GALC: variants seen among roughly 807,000 people sequenced by gnomAD.
The protein encoded by GALC is galactocerebrosidase.
Under a neutral mutation model 91.8 loss-of-function variants are expected in GALC, and 77 were observed. That is an observed-to-expected ratio of 0.84 (90% confidence interval 0.70 to 1.01). GALC has a LOEUF of 1.01. GALC is among the 50% of genes least tolerant of loss of function. GALC has a pLI of 0.00. For synonymous variants in GALC, 357 were observed against 306.7 expected (o/e 1.16, Z -1.71); for missense variants, 882 against 855.9 (o/e 1.03, Z -0.38).
chr14:87,959,374 G>T (rs1443339845), intron 10 of GALC, among the ~76,000 whole-genome samples: 3 of 152,140 alleles, frequency 2.0e-5, no homozygotes, highest in Non-Finnish European at 4.4e-5. Context: ...ATGTTGTTAG[G>T]GTTGTAAATT....
chr14:87,944,371 G>A (rs1001231834), intron 14 of GALC, among the ~76,000 whole-genome samples: 9 of 151,852 alleles, frequency 5.9e-5, no homozygotes, highest in African/African-American at 9.7e-5. Context: ...CCTATACGGC[G>A]ACTTCAAAAC....
At chr14:87,993,312 A>G (rs76999174), upstream of GALC, 215,117 of 1,536,726 alleles carry the variant, frequency 0.14, 16,300 homozygotes, top group Middle Eastern at 0.16. Flanking sequence ...GAGTGTTGAG[A>G]AAAGAAGCAG....
chr14:87,954,114 G>A, intron 10 of GALC: 10 of 1,609,434 alleles, frequency 6.2e-6, no homozygotes, highest in Non-Finnish European at 8.5e-6. Flanking sequence ...TATTCAGCCT[G>A]AAGAATATTC....
At chr14:87,945,245 G>A (rs560129953) in intron 14 of GALC, among the ~76,000 whole-genome samples, 2 of 151,962 alleles carry the variant, frequency 1.3e-5, no homozygotes, top group Admixed American at 6.6e-5. Flanking sequence ...TCACAAATCC[G>A]TCTATTTATA....
chr14:87,952,606 A>T (rs1300025413), intron 10 of GALC: 1 of 1,499,188 alleles, frequency 6.7e-7, no homozygotes, highest in Non-Finnish European at 9.2e-7. Context: ...AAAAAAATTC[A>T]GCTTTTATAC....
intron 7 of GALC, 62 bp from the exon 8 acceptor site, chr14:87,968,552 T>C (rs1335647179): frequency 1.5e-5 from 21 of 1,447,160 alleles, no homozygotes; most frequent in South Asian, 5.7e-5. Flanking sequence ...TATATACGTA[T>C]AGATTTGTTG....
rs1303137121 is a variant in GALC, at chr14:87,947,806, TG to T, written c.1410del (p.Thr471LeufsTer82). 2 of 1,612,634 alleles carry T rather than the reference TG, an allele frequency of 1.2e-6. No individual in the cohort carries two copies. The highest frequency in any genetic ancestry group is 2.2e-5 in the South Asian group (2 of 91,070). Reference sequence around the variant, plus strand: ...AGCGGGTAGCTGCCTTTGCGACCAGTGGTGAGAGTGGTGAGTGTGAACAGCT... The same window carrying T: ...AGCGGGTAGCTGCCTTTGCGACCAGTGTGAGAGTGGTGAGTGTGAACAGCT... ...EDELFTLTTLTTGRKGSYPLP... is the reference protein window; with the variant it reads ...EDELFTLTTLXTGRKGSYPLP... On this transcript the variant is annotated frameshift_variant, in exon 13 of 17. Transcript: ENST00000261304. LOFTEE classifies it high-confidence loss of function.
intron 3 of GALC, chr14:87,987,806 T>C (rs925930115): frequency 5.1e-6 from 1 of 194,758 alleles, no homozygotes; most frequent in East Asian, 1.2e-4. Flanking sequence ...TTTTGTTCTA[T>C]ACGAAATTAA....
chr14:87,955,447 C>A (rs1885493124), intron 10 of GALC, among the ~76,000 whole-genome samples: 1 of 151,916 alleles, frequency 6.6e-6, no homozygotes, highest in African/African-American at 2.4e-5. Flanking sequence ...GTAGCAGATC[C>A]CTGGGAATTA....
intron 10 of GALC, among the ~76,000 whole-genome samples, chr14:87,956,429 T>C (rs1207110381): frequency 6.6e-6 from 1 of 151,854 alleles, no homozygotes; most frequent in Admixed American, 6.6e-5. Flanking sequence ...TAAGGTCCAG[T>C]TTCCAACAAC....
intron 3 of GALC, among the ~76,000 whole-genome samples, chr14:87,987,535 A>T (rs953559383): frequency 2.0e-5 from 3 of 152,214 alleles, no homozygotes; most frequent in Non-Finnish European, 2.9e-5. Flanking sequence ...CACTAGCAGG[A>T]ATACAAGTAA....
At chr14:87,963,342 G>C (rs1377598472) in intron 10 of GALC, 42 bp downstream of exon 10, 2 of 1,590,756 alleles carry the variant, frequency 1.3e-6, no homozygotes, top group Non-Finnish European at 1.7e-6. Flanking sequence ...TTTTCCAATA[G>C]TAAAGAAGTG....
intron 10 of GALC, chr14:87,954,556 T>C (rs1278422404): frequency 2.6e-6 from 4 of 1,561,926 alleles, no homozygotes; most frequent in Middle Eastern, 2.1e-4. Flanking sequence ...TGTTTGATGA[T>C]GATGTAAGGG....
chr14:87,940,718 A>G (rs1884798366), intron 15 of GALC, among the ~76,000 whole-genome samples: 1 of 151,940 alleles, frequency 6.6e-6, no homozygotes, highest in Non-Finnish European at 1.5e-5. Context: ...AAAGAGCAGA[A>G]AACTATAAAA....
intron 10 of GALC, among the ~76,000 whole-genome samples, chr14:87,962,888 T>C (rs1450579394): frequency 6.6e-6 from 1 of 152,132 alleles, no homozygotes; most frequent in East Asian, 1.9e-4. Context: ...TCAGTTCCCT[T>C]GAATCCTTGA....
intron 16 of GALC, among the ~76,000 whole-genome samples, chr14:87,938,656 C>G (rs909509175): frequency 6.6e-6 from 1 of 151,740 alleles, no homozygotes; most frequent in African/African-American, 2.4e-5. Flanking sequence ...AAATTTCTGA[C>G]GTATTAAAGA....
At position 87,952,586 on chromosome 14, in the gene GALC, T is replaced by C. The variant is rs149044902; in HGVS notation, c.1162-1838A>G. 8.6e-4 allele frequency: 1,126 copies of C among 1,310,096 alleles called. 7 individuals are homozygous for C. The African/African-American group carries it at 0.014, about 16-fold the overall frequency. The allele number at this position is 1,310,096 out of a possible 1,614,324, so 81.2% of individuals were successfully genotyped here. ...ACACAGTTTCTTTAATGTCCGTTGC[T>C]GACCCCCGGAAAAAAATTCAGCTTT... On this transcript the variant is annotated intron_variant, in intron 10 of 16. Transcript: ENST00000261304.
chr14:87,953,982 G>A (rs1386437634), intron 10 of GALC: 2 of 1,609,196 alleles, frequency 1.2e-6, no homozygotes, highest in Non-Finnish European at 8.5e-7. Context: ...GGCATATACA[G>A]TGTTTCTTGG....
intron 7 of GALC, among the ~76,000 whole-genome samples, chr14:87,973,242 G>C (rs1886367721): frequency 1.3e-5 from 2 of 152,110 alleles, no homozygotes; most frequent in Admixed American, 6.5e-5. Context: ...GTTTCCATTA[G>C]CACTTTCTGA....
Sources: gnomAD v4.1 joint callset for allele counts (sites outside exome capture counted in the v4.1 genomes callset) on GRCh38, gnomAD v4.1.1 for gene constraint, MANE v1.5 for transcripts, NCBI Gene and HGNC (gene_info 2026-07-23, HGNC 2026-07-21) for gene names.